Variants in GDPD4 observed in about 807,000 individuals in gnomAD.
The protein encoded by GDPD4 is glycerophosphodiester phosphodiesterase domain containing 4, also known as glycerophosphodiester phosphodiesterase 6.
GDPD4 carries 60 observed loss-of-function variants against 67.8 expected under a neutral mutation model. The observed-to-expected ratio is 0.88, with a 90% CI of 0.72 to 1.10. The LOEUF is 1.10. GDPD4 is among the 50% of genes least tolerant of loss of function. The pLI, the probability that GDPD4 is intolerant of heterozygous loss-of-function variation, is 0.00. For missense variants in GDPD4, 623 were observed against 613.9 expected (o/e 1.01, Z -0.16); for synonymous variants, 212 against 210.9 (o/e 1.00, Z -0.04).
Position 77,271,181 on chromosome 11 carries a change from C to A in GDPD4, c.349G>T (p.Val117Phe). The A allele has an allele frequency of 6.2e-7, 1 of 1,612,644 alleles. No homozygotes were observed. Among genetic ancestry groups the A allele is most frequent in the Non-Finnish European group, 8.5e-7 (1 of 1,179,664 alleles). Residue 117 changes from valine (V) to phenylalanine (F), a missense_variant, in exon 7 of 17, where the codon GTT becomes TTT. Physicochemically the swap from Val to Phe is conservative, Grantham distance 50. Coordinates refer to ENST00000315938, the MANE Select transcript of GDPD4 (RefSeq NM_182833.3). ...AAGGCCACAGGCCAGAAAAGGATAA[C>A]CATCACAGTTATGCTGACCAGGTGC... ...YVHLVSITVMVILFWPVAFYV... is the reference protein window; with the variant it reads ...YVHLVSITVMFILFWPVAFYV...
chr11:77,289,347 A>G (rs1937680172), intron 1 of GDPD4, among the ~76,000 whole-genome samples: 1 of 150,032 alleles, frequency 6.7e-6, no homozygotes, highest in African/African-American at 2.5e-5. Context: ...TAGGTGACAG[A>G]GCAATACTCC....
intron 11 of GDPD4, among the ~76,000 whole-genome samples, chr11:77,246,448 A>G (rs1295576514): frequency 6.6e-6 from 1 of 152,244 alleles, no homozygotes; most frequent in African/African-American, 2.4e-5. Flanking sequence ...ATTAACGACT[A>G]TATTTATAAA....
intron 1 of GDPD4, among the ~76,000 whole-genome samples, chr11:77,300,264 T>C (rs993270069): frequency 9.2e-5 from 14 of 152,228 alleles, no homozygotes; most frequent in African/African-American, 3.1e-4. Flanking sequence ...CACTAGCCAA[T>C]AGGGGAACGA....
intron 1 of GDPD4, among the ~76,000 whole-genome samples, chr11:77,294,876 G>A (rs1343245488): frequency 4.0e-5 from 6 of 151,456 alleles, no homozygotes. Context: ...GAAGTATGAA[G>A]GATGGAGAAA....
At chr11:77,268,574 A>T (rs771613609) in intron 9 of GDPD4, 35 bp from the exon 10 acceptor site, 8 of 1,472,126 alleles carry the variant, frequency 5.4e-6, no homozygotes, top group African/African-American at 2.8e-5. Context: ...CCTAAGCCTC[A>T]GAGTCTCTCC....
chr11:77,259,455 G>A (rs77885492), intron 10 of GDPD4, among the ~76,000 whole-genome samples: 1 of 151,182 alleles, frequency 6.6e-6, no homozygotes, highest in Non-Finnish European at 1.5e-5. Context: ...ATAAGGCTTA[G>A]AACTTACTCT....
At chr11:77,217,487 C>A (rs1330863156) in intron 16 of GDPD4, among the ~76,000 whole-genome samples, 173 bp from the exon 17 acceptor site, 1 of 145,548 alleles carries the variant, frequency 6.9e-6, no homozygotes, top group African/African-American at 2.5e-5. Context: ...TTATGGCCCT[C>A]CAATTCAGCC....
At chr11:77,264,057 C>T (rs1420533430) in intron 10 of GDPD4, among the ~76,000 whole-genome samples, 1 of 152,028 alleles carries the variant, frequency 6.6e-6, no homozygotes, top group Non-Finnish European at 1.5e-5. Context: ...CCCCAGAAAA[C>T]TTAATTCAGT....
intron 5 of GDPD4, among the ~76,000 whole-genome samples, chr11:77,272,842 C>A (rs948099347): frequency 4.6e-5 from 7 of 151,712 alleles, no homozygotes; most frequent in African/African-American, 1.7e-4. Context: ...CATATAGGGT[C>A]TTTCCTCTCC....
At chr11:77,269,345 G>A (rs1959194747) in intron 8 of GDPD4, among the ~76,000 whole-genome samples, 1 of 152,146 alleles carries the variant, frequency 6.6e-6, no homozygotes, top group Non-Finnish European at 1.5e-5. Context: ...GGGGACAGAT[G>A]GGGAAGAAAA....
At chr11:77,218,409 C>CT (rs1958166173) in intron 16 of GDPD4, among the ~76,000 whole-genome samples, 1 of 152,090 alleles carries the variant, frequency 6.6e-6, no homozygotes, top group African/African-American at 2.4e-5. Flanking sequence ...TATTATTATA[C>CT]TTTAAGTTCT....
intron 8 of GDPD4, among the ~76,000 whole-genome samples, chr11:77,269,391 G>A (rs566639742): frequency 6.6e-6 from 1 of 152,280 alleles, no homozygotes; most frequent in East Asian, 1.9e-4. Flanking sequence ...AGCTTCTCAG[G>A]AGGAGGAGGA....
chr11:77,271,323 C>T lies in GDPD4; in HGVS notation c.278G>A (p.Arg93Lys). 2 of 1,613,848 alleles carry T rather than the reference C, an allele frequency of 1.2e-6. No homozygotes were observed. The highest frequency in any genetic ancestry group is 1.7e-6 in the Non-Finnish European group (2 of 1,179,732). ...CATTGACAGCCCAGCTACCAGCCAC[C>T]TTTCTTTCCAGAATTTGCATATAAT... ...MFIICKFWKE[R>K]WLVAGLSMQI... Residue 93 changes from arginine to lysine, a missense_variant, in exon 6 of 17, where the codon AGG (arginine) becomes AAG (lysine). By Grantham distance (26) the Arg-to-Lys change is conservative. Transcript: ENST00000315938.
chr11:77,260,896 G>T (rs1454893356), intron 10 of GDPD4, among the ~76,000 whole-genome samples: 1 of 152,020 alleles, frequency 6.6e-6, no homozygotes, highest in Non-Finnish European at 1.5e-5. Context: ...AAAAGAATGA[G>T]GCATCAGTGA....
chr11:77,267,495 C>T (rs1959183509), intron 10 of GDPD4, among the ~76,000 whole-genome samples: 1 of 152,144 alleles, frequency 6.6e-6, no homozygotes, highest in African/African-American at 2.4e-5. Context: ...TTAACTTAGC[C>T]ATACCGATAG....
rs568918925 is a variant in GDPD4 at position 77,220,197 on chromosome 11, A to C, written c.1526-2883T>G. On this transcript the variant is annotated intron_variant, in intron 16 of 16. Transcript: ENST00000315938. Reference sequence around the variant, plus strand: ...CTCTCTTCCTAATTGAATACCCTTTATTTCTTTCTCTTGCCTGATTGCCCT... The same window carrying C: ...CTCTCTTCCTAATTGAATACCCTTTCTTTCTTTCTCTTGCCTGATTGCCCT... 9.4e-3 allele frequency among the ~76,000 whole-genome samples: 1,431 copies of C among 152,196 alleles called. 33 individuals are homozygous for C. The highest frequency in any genetic ancestry group is 0.033 in the African/African-American group (1,380 of 41,518).
At chr11:77,293,141 C>G (rs761983993) in intron 1 of GDPD4, among the ~76,000 whole-genome samples, 1 of 152,150 alleles carries the variant, frequency 6.6e-6, no homozygotes, top group Non-Finnish European at 1.5e-5. Flanking sequence ...TTTCATATGA[C>G]CAGTATCCTG....
Position 77,279,378 on chromosome 11 carries a change from T to C in GDPD4, c.75A>G (p.Gly25=). The C allele has an allele frequency of 6.2e-7, 1 of 1,610,710 alleles. No individual in the cohort carries two copies. The highest frequency in any genetic ancestry group is 8.5e-7 in the Non-Finnish European group (1 of 1,177,300). The change falls in exon 4 of 17, where the codon GGA becomes GGG. Residue 25 remains glycine (G), a synonymous_variant. Transcript: ENST00000315938. ...NFDWVTFLGT[G]YWFFWSIFIL... ...TAAAAATAGACCAGAAAAACCAGTA[T>C]CCTGTTCCTAGAAAAGTGACCCTGA...
chr11:77,256,280 TAATTC>T (rs1298415147), intron 11 of GDPD4, among the ~76,000 whole-genome samples: 2 of 152,242 alleles, frequency 1.3e-5, no homozygotes, highest in African/African-American at 4.8e-5. Context: ...TATAGCTAAC[TAATTC>T]AATATATACA....
Sources: gnomAD v4.1 joint callset for allele counts (sites outside exome capture counted in the v4.1 genomes callset) on GRCh38, gnomAD v4.1.1 for gene constraint, MANE v1.5 for transcripts, NCBI Gene and HGNC (gene_info 2026-07-23, HGNC 2026-07-21) for gene names.